The following JARID2 variants were observed in gnomAD, a reference collection of about 807,000 sequenced individuals.
JARID2 encodes jumonji and AT-rich interaction domain containing 2, also known as protein Jumonji.
A neutral mutation model predicts 125.6 loss-of-function variants in JARID2; 21 were observed. The ratio of observed to expected loss-of-function variants is 0.17; its 90% CI spans 0.12 to 0.24. The LOEUF is 0.24. JARID2 is among the 10% of genes least tolerant of loss of function. The pLI is 1.00. For synonymous variants in JARID2, 736 were observed against 661.6 expected, an observed-to-expected ratio of 1.11 and a Z score of -1.73; for missense variants, 1,303 against 1,639.6, an observed-to-expected ratio of 0.79 and a Z score of 3.55.
chr6:15,505,886 G>A (rs1770982131), intron 9 of JARID2, among the ~76,000 whole-genome samples: 1 of 152,266 alleles, frequency 6.6e-6, no homozygotes, highest in African/African-American at 2.4e-5. Flanking sequence ...TCAGGCGGAG[G>A]ACACTTGGCT....
rs928795537 is a variant in JARID2, at chr6:15,276,233, C to T, written c.45+29649C>T. Among the ~76,000 whole-genome samples the T allele has an allele frequency of 4.6e-5, 7 of 152,156 alleles. No individual in the cohort carries two copies. In the East Asian group the frequency reaches 7.7e-4, roughly 17 times the overall value. On this transcript the variant is annotated intron_variant, in intron 1 of 17. Coordinates refer to ENST00000341776, the MANE Select transcript of JARID2 (RefSeq NM_004973.4). The stretch of plus-strand genomic sequence containing the variant: ...TTTGTGTTAGTGCCTCTCCTCCCCT[C>T]GAGTGTCCAGTCCATTTTCAGCTGA...
At chr6:15,490,658 T>A (rs1018809905) in intron 6 of JARID2, among the ~76,000 whole-genome samples, 1 of 152,234 alleles carries the variant, frequency 6.6e-6, no homozygotes, top group Non-Finnish European at 1.5e-5. Flanking sequence ...GGTAATAATT[T>A]GGTTGTATGG....
At chr6:15,255,089 A>G (rs1759609821) in intron 1 of JARID2, among the ~76,000 whole-genome samples, 1 of 150,378 alleles carries the variant, frequency 6.6e-6, no homozygotes, top group South Asian at 2.1e-4. Flanking sequence ...TTGCCCCTCC[A>G]TACTCCCAGT....
intron 1 of JARID2, among the ~76,000 whole-genome samples, chr6:15,334,926 T>G (rs1041934648): frequency 2.0e-5 from 3 of 152,194 alleles, no homozygotes; most frequent in African/African-American, 7.2e-5. Flanking sequence ...TTAGTGGTAT[T>G]AAACCAGTGG....
At chr6:15,486,846 A>G (rs1769893957) in intron 5 of JARID2, among the ~76,000 whole-genome samples, 1 of 119,716 alleles carries the variant, frequency 8.4e-6, no homozygotes, top group Non-Finnish European at 1.6e-5. Context: ...TCGCTCTGAC[A>G]TTTGATGGTT....
chr6:15,469,306 CTCTCTCTCTCTG>C (rs1349729313), intron 5 of JARID2, among the ~76,000 whole-genome samples: 16 of 78,108 alleles, frequency 2.0e-4, no homozygotes, highest in South Asian at 4.5e-4. Context: ...CTGTCTCTGT[CTCTCTCTCTCTG>C]TCTCTCTCTC....
At position 15,521,597 on chromosome 6, in the gene JARID2, C is replaced by T. The variant is rs1393979468; in HGVS notation, c.*1346C>T. ...TGTTGCCCTTCTCCGGTTGTGTGTACAGTATGTGTGGAATAAAAAAGGGAA... is the reference window on the plus strand; with the variant it reads ...TGTTGCCCTTCTCCGGTTGTGTGTATAGTATGTGTGGAATAAAAAAGGGAA... On this transcript the variant is annotated 3_prime_UTR_variant, in exon 18 of 18. Coordinates refer to ENST00000341776, the MANE Select transcript of JARID2 (RefSeq NM_004973.4). 2 of 151,964 alleles carry T rather than the reference C, an allele frequency of 1.3e-5. No homozygotes were observed. Among genetic ancestry groups the T allele is most frequent in the Admixed American group, 6.6e-5 (1 of 15,258 alleles). The allele number at this position is 151,964 out of a possible 1,614,324, so 9.4% of individuals were successfully genotyped here.
Position 15,331,371 on chromosome 6 carries a change from AC to A in JARID2, c.46-42744del, listed in dbSNP as rs1762703994. Among the ~76,000 whole-genome samples, 4 of 151,800 alleles carry A rather than the reference AC, an allele frequency of 2.6e-5. No homozygotes were observed. The South Asian group carries it at 8.3e-4, about 32-fold the overall frequency. On this transcript the variant is annotated intron_variant, in intron 1 of 17. Coordinates refer to ENST00000341776, the MANE Select transcript of JARID2 (RefSeq NM_004973.4). Reference sequence around the variant, plus strand: ...AAAACAAAAACAAAAAAAACAAAAAACCTGTAGGCCAGGAGTGGTGAAGGAA... The same window carrying A: ...AAAACAAAAACAAAAAAAACAAAAAACTGTAGGCCAGGAGTGGTGAAGGAA...
chr6:15,285,234 C>T (rs929812913), intron 1 of JARID2, among the ~76,000 whole-genome samples: 2 of 151,682 alleles, frequency 1.3e-5, no homozygotes, highest in African/African-American at 4.9e-5. Flanking sequence ...CCTCAGCCTC[C>T]TGAGTAGCTG....
intron 1 of JARID2, among the ~76,000 whole-genome samples, chr6:15,279,046 G>A (rs1028981666): frequency 8.6e-5 from 13 of 151,018 alleles, no homozygotes; most frequent in African/African-American, 1.5e-4. Flanking sequence ...AGCCAAGATC[G>A]CACCACTGCA....
intron 4 of JARID2, among the ~76,000 whole-genome samples, chr6:15,467,316 T>G (rs1768786987): frequency 6.6e-6 from 1 of 152,226 alleles, no homozygotes; most frequent in Admixed American, 6.5e-5. Flanking sequence ...GAATTGGTGA[T>G]CTATCTCTTC....
intron 16 of JARID2, among the ~76,000 whole-genome samples, chr6:15,513,824 CT>C (rs1771401028): frequency 6.6e-6 from 1 of 152,264 alleles, no homozygotes; most frequent in African/African-American, 2.4e-5. Flanking sequence ...TGGCCTGTGC[CT>C]GGTGCACCTG....
chr6:15,370,869 C>CT (rs1161104086), intron 1 of JARID2, among the ~76,000 whole-genome samples: 2 of 152,134 alleles, frequency 1.3e-5, no homozygotes, highest in Admixed American at 1.3e-4. Flanking sequence ...AGAAAGGCAG[C>CT]TTAATTGGGA....
intron 1 of JARID2, among the ~76,000 whole-genome samples, chr6:15,275,139 G>A (rs1248450732): frequency 1.3e-5 from 2 of 152,168 alleles, no homozygotes; most frequent in Non-Finnish European, 2.9e-5. Context: ...AGGAAGAGCT[G>A]TTTGATCTCT....
intron 1 of JARID2, among the ~76,000 whole-genome samples, chr6:15,306,395 C>T (rs973951516): frequency 2.2e-5 from 3 of 137,548 alleles, no homozygotes; most frequent in Non-Finnish European, 3.0e-5. Flanking sequence ...AGTGCAATGG[C>T]ACAATCTCAG....
chr6:15,356,301 T>C (rs1763598299), intron 1 of JARID2, among the ~76,000 whole-genome samples: 1 of 152,252 alleles, frequency 6.6e-6, no homozygotes, highest in Admixed American at 6.5e-5. Flanking sequence ...TGCCCAGGAA[T>C]AGAATTGAAT....
At chr6:15,388,113 C>G (rs551726675) in intron 2 of JARID2, among the ~76,000 whole-genome samples, 1 of 152,076 alleles carries the variant, frequency 6.6e-6, no homozygotes, top group Admixed American at 6.6e-5. Flanking sequence ...TCTAAATCTT[C>G]GAATTCTGTG....
intron 3 of JARID2, among the ~76,000 whole-genome samples, chr6:15,412,347 C>G (rs1581522825): frequency 6.6e-6 from 1 of 152,086 alleles, no homozygotes; most frequent in African/African-American, 2.4e-5. Context: ...CTCGCTCTGT[C>G]ACCCGGGCTG....
intron 1 of JARID2, among the ~76,000 whole-genome samples, chr6:15,351,759 T>C (rs758464069): frequency 2.0e-4 from 31 of 152,096 alleles, no homozygotes; most frequent in Non-Finnish European, 1.6e-4. Flanking sequence ...GGCACACACT[T>C]TTGTGCAGCC....
Sources: gnomAD v4.1 joint callset for allele counts (sites outside exome capture counted in the v4.1 genomes callset) on GRCh38, gnomAD v4.1.1 for gene constraint, MANE v1.5 for transcripts, NCBI Gene and HGNC (gene_info 2026-07-23, HGNC 2026-07-21) for gene names.